Variants in DPYSL5 observed in about 807,000 individuals in gnomAD.
DPYSL5 encodes dihydropyrimidinase-related protein 5.
A neutral mutation model predicts 58.4 loss-of-function variants in DPYSL5; 9 were observed. The ratio of observed to expected loss-of-function variants is 0.15; its 90% confidence interval spans 0.09 to 0.27. DPYSL5 has a LOEUF of 0.27. Among genes scored for constraint, DPYSL5 ranks in the 10% least tolerant of loss-of-function variants. DPYSL5 has a pLI of 1.00. For missense variants in DPYSL5, 499 were observed against 770.6 expected, an observed-to-expected ratio of 0.65 and a Z score of 4.17; for synonymous variants, 293 against 301.9, an observed-to-expected ratio of 0.97 and a Z score of 0.31.
Position 26,849,766 on chromosome 2 carries a change from C to T in DPYSL5, c.-5+1512C>T, listed in dbSNP as rs1665699805. Among the ~76,000 whole-genome samples the T allele has an allele frequency of 6.6e-6, 1 of 152,212 alleles. No homozygotes were observed. On this transcript the variant is annotated intron_variant, in intron 1 of 12. Coordinates refer to ENST00000288699, the MANE Select transcript of DPYSL5 (RefSeq NM_020134.4). The surrounding 1 kb of genome is among the most constrained non-coding windows in gnomAD (Gnocchi z 6.2). ...GCTGGGAATACTCCCTGCGGAACCT[C>T]CGGGCACGTGCTGGCTTTGGGGTTT...
chr2:26,917,716 C>T (rs769244621), intron 2 of DPYSL5, among the ~76,000 whole-genome samples: 7 of 152,182 alleles, frequency 4.6e-5, no homozygotes, highest in Non-Finnish European at 1.0e-4. Flanking sequence ...ATCAGGCCAG[C>T]GCAGGTGATA....
chr2:26,888,643 A>G (rs1663790226), intron 1 of DPYSL5, among the ~76,000 whole-genome samples: 1 of 152,204 alleles, frequency 6.6e-6, no homozygotes, highest in Non-Finnish European at 1.5e-5. Flanking sequence ...GATGACAGAC[A>G]CATGTTTTTG....
At chr2:26,926,193 G>A (rs949982768) in intron 3 of DPYSL5, among the ~76,000 whole-genome samples, 2 of 152,150 alleles carry the variant, frequency 1.3e-5, no homozygotes, top group Non-Finnish European at 2.9e-5. Flanking sequence ...GGGCTCACCC[G>A]GTTTCTTCAT....
chr2:26,870,516 G>A (rs1297940318), intron 1 of DPYSL5, among the ~76,000 whole-genome samples: 2 of 151,958 alleles, frequency 1.3e-5, no homozygotes, highest in Non-Finnish European at 2.9e-5. Context: ...TACTATTTTA[G>A]TACTACCATT....
At chr2:26,872,891 C>T (rs574006969) in intron 1 of DPYSL5, among the ~76,000 whole-genome samples, 8 of 152,230 alleles carry the variant, frequency 5.3e-5, no homozygotes, top group Admixed American at 3.3e-4. Flanking sequence ...TATTTATTTT[C>T]CTTAAATAGT....
chr2:26,882,046 A>C (rs1663578972), intron 1 of DPYSL5, among the ~76,000 whole-genome samples: 1 of 145,508 alleles, frequency 6.9e-6, no homozygotes, highest in East Asian at 2.0e-4. Flanking sequence ...AGCCGAGATC[A>C]CACCACTGCA....
At chr2:26,911,391 G>A (rs1239634655) in intron 2 of DPYSL5, among the ~76,000 whole-genome samples, 3 of 152,030 alleles carry the variant, frequency 2.0e-5, no homozygotes, top group African/African-American at 7.2e-5. Context: ...ATAGAGAAAC[G>A]AATGCATTAA....
At chr2:26,897,317 A>G (rs1664045556) in intron 1 of DPYSL5, among the ~76,000 whole-genome samples, 1 of 152,132 alleles carries the variant, frequency 6.6e-6, no homozygotes, top group Admixed American at 6.5e-5. Context: ...GTTCTTTATC[A>G]AGTTGAGGAA....
chr2:26,919,626 A>G (rs549265349), intron 2 of DPYSL5, among the ~76,000 whole-genome samples: 44 of 152,312 alleles, frequency 2.9e-4, no homozygotes, highest in African/African-American at 9.9e-4. Flanking sequence ...TTTTTTAAAC[A>G]TTTATATTTT....
chr2:26,879,141 A>C (rs943158753), intron 1 of DPYSL5, among the ~76,000 whole-genome samples: 1 of 152,172 alleles, frequency 6.6e-6, no homozygotes, highest in African/African-American at 2.4e-5. Flanking sequence ...CAATCTGCTA[A>C]TAGTGTGGAG....
At chr2:26,861,917 ACT>A (rs893727404) in intron 1 of DPYSL5, among the ~76,000 whole-genome samples, 4 of 151,718 alleles carry the variant, frequency 2.6e-5, no homozygotes, top group African/African-American at 9.7e-5. Context: ...CCTTTTGGAG[ACT>A]CTTTTTGCTT....
At chr2:26,912,350 C>G (rs1374108357) in intron 2 of DPYSL5, among the ~76,000 whole-genome samples, 1 of 152,220 alleles carries the variant, frequency 6.6e-6, no homozygotes, top group East Asian at 1.9e-4. Flanking sequence ...CACTGTCACA[C>G]CTTAGCTTTG....
Position 26,933,797 on chromosome 2 carries a change from C to G in DPYSL5, c.790+464C>G, listed in dbSNP as rs997568336. On this transcript the variant is annotated intron_variant, in intron 7 of 12. Coordinates refer to ENST00000288699, the MANE Select transcript of DPYSL5 (RefSeq NM_020134.4). The surrounding 1 kb of genome is among the most constrained non-coding windows in gnomAD (Gnocchi z 4.2). ...CCTCCTGGAACCCTGTGTATGAGTC[C>G]GAGGGGCACTTGTATGGCTTCTGTT... 6.6e-6 allele frequency among the ~76,000 whole-genome samples: 1 copy of G among 152,040 alleles called. No individual in the cohort carries two copies. Among genetic ancestry groups the G allele is most frequent in the Non-Finnish European group, 1.5e-5 (1 of 68,012 alleles).
intron 1 of DPYSL5, among the ~76,000 whole-genome samples, chr2:26,894,427 C>T (rs1039084476): frequency 5.3e-5 from 8 of 152,198 alleles, no homozygotes; most frequent in African/African-American, 1.4e-4. Flanking sequence ...AAGCCTTTGA[C>T]TTTAACCTCT....
At chr2:26,903,282 G>A (rs1664207426) in intron 2 of DPYSL5, among the ~76,000 whole-genome samples, 6 of 152,144 alleles carry the variant, frequency 3.9e-5, no homozygotes, top group Admixed American at 3.9e-4. Flanking sequence ...ATGTTGACCA[G>A]ACTGGTCTCA....
intron 1 of DPYSL5, among the ~76,000 whole-genome samples, chr2:26,881,114 C>T (rs187689095): frequency 6.6e-6 from 1 of 152,148 alleles, no homozygotes; most frequent in Non-Finnish European, 1.5e-5. Context: ...GAGGACGTGC[C>T]CATAGTCGCA....
intron 1 of DPYSL5, among the ~76,000 whole-genome samples, chr2:26,853,914 C>A (rs914661265): frequency 1.3e-5 from 2 of 152,086 alleles, no homozygotes; most frequent in Non-Finnish European, 2.9e-5. Flanking sequence ...GTGGCACATG[C>A]CTGTGGTCCC....
intron 8 of DPYSL5, among the ~76,000 whole-genome samples, chr2:26,936,945 T>TAAAAAAAAAAAAAAAAAAAAAAAAA (rs55795892): frequency 7.7e-5 from 6 of 77,888 alleles, no homozygotes; most frequent in African/African-American, 3.0e-4. Context: ...AGACTTCATT[T>TAAAAAAAAAAAAAAAAAAAAAAAAA]AAAAAAAAAA....
chr2:26,859,012 A>G (rs1363693477), intron 1 of DPYSL5, among the ~76,000 whole-genome samples: 1 of 152,194 alleles, frequency 6.6e-6, no homozygotes, highest in African/African-American at 2.4e-5. Context: ...GTTTACATAA[A>G]TTTTTACAGA....
Sources: gnomAD v4.1 joint callset for allele counts (sites outside exome capture counted in the v4.1 genomes callset) on GRCh38, gnomAD v4.1.1 for gene constraint, Gnocchi (gnomAD v3.1) non-coding constraint, MANE v1.5 for transcripts, NCBI Gene and HGNC (gene_info 2026-07-23, HGNC 2026-07-21) for gene names.